Variants in ZBTB24 observed in about 807,000 individuals in gnomAD.
ZBTB24 encodes the protein zinc finger and BTB domain-containing protein 24.
ZBTB24 carries 32 observed loss-of-function variants against 53.8 expected under a neutral mutation model. The ratio of observed to expected loss-of-function variants is 0.60; its 90% CI spans 0.45 to 0.80. The LOEUF is 0.80. Ranked by LOEUF, ZBTB24 falls within the 30% of genes least tolerant of loss-of-function variation. The pLI is 0.00. For synonymous variants in ZBTB24, 297 were observed against 306.7 expected (o/e 0.97, Z 0.33); for missense variants, 722 against 837.1 (o/e 0.86, Z 1.70).
Position 109,481,691 on chromosome 6 carries a change from A to G in ZBTB24, c.336T>C (p.Thr112=), listed in dbSNP as rs763763622. ...SEKSTEQILA[T]AQFLKVYDLV... ...GGTCATAGACTTTTAAGAACTGAGC[A>G]GTAGCCAGGATTTGTTCTGTACTTT... The change falls in exon 2 of 7, where the codon ACT becomes ACC. Residue 112 remains threonine (T), a synonymous_variant. Coordinates refer to ENST00000230122, the MANE Select transcript of ZBTB24 (RefSeq NM_014797.3). 6.2e-7 allele frequency: 1 copy of G among 1,614,260 alleles called. No homozygotes were observed. The highest frequency in any genetic ancestry group is 2.2e-5 in the East Asian group (1 of 44,892).
intron 2 of ZBTB24, 24 bp from the exon 3 acceptor site, chr6:109,476,954 T>C: frequency 6.2e-7 from 1 of 1,612,152 alleles, no homozygotes; most frequent in Admixed American, 1.7e-5. Flanking sequence ...CCCAGAAGCA[T>C]GGTATAAGTA....
At chr6:109,471,623 G>A (rs2115357602) in intron 5 of ZBTB24, among the ~76,000 whole-genome samples, 2 of 152,322 alleles carry the variant, frequency 1.3e-5, no homozygotes, top group South Asian at 4.1e-4. Flanking sequence ...TGTGGGGTCA[G>A]AGGTCACTCA....
chr6:109,472,935 G>A (rs1199821599), intron 5 of ZBTB24, among the ~76,000 whole-genome samples: 4 of 151,964 alleles, frequency 2.6e-5, no homozygotes, highest in Admixed American at 6.6e-5. Context: ...GTGCTGTTCC[G>A]AGCCCCACTA....
At chr6:109,475,974 T>C (rs755686738) in intron 4 of ZBTB24, among the ~76,000 whole-genome samples, 4 of 152,212 alleles carry the variant, frequency 2.6e-5, no homozygotes, top group African/African-American at 4.8e-5. Context: ...ACCAAAACTG[T>C]AGTATACAAA....
intron 6 of ZBTB24, among the ~76,000 whole-genome samples, chr6:109,466,978 T>C (rs1461087518): frequency 1.3e-5 from 2 of 152,190 alleles, no homozygotes; most frequent in Admixed American, 1.3e-4. Flanking sequence ...ATTTAAAAAA[T>C]TTAAGCATCC....
rs774437423 is a variant in ZBTB24, at chr6:109,466,543, C to T, written c.1402G>A (p.Gly468Ser). Residue 468 changes from glycine to serine, a missense_variant, in exon 7 of 7, where the codon GGC (glycine) becomes AGC (serine). Gly to Ser is a moderately conservative substitution (Grantham distance 56). Coordinates refer to ENST00000230122, the MANE Select transcript of ZBTB24 (RefSeq NM_014797.3). ...GEKPYSCGIC[G>S]KSFSDSSAKR... ...GCACTGGAGTCAGAGAAGGATTTGC[C>T]ACAAATGCCACAGGAGTATGGCTTT... 3 of 1,613,006 alleles carry T rather than the reference C, an allele frequency of 1.9e-6. No individual in the cohort carries two copies. Among genetic ancestry groups the T allele is most frequent in the Non-Finnish European group, 1.7e-6 (2 of 1,180,028 alleles).
chr6:109,465,877 T>G lies in ZBTB24; in HGVS notation c.2068A>C (p.Thr690Pro). 2 of 1,614,130 alleles carry G rather than the reference T, an allele frequency of 1.2e-6. No individual in the cohort carries two copies. The highest frequency in any genetic ancestry group is 2.2e-5 in the East Asian group (1 of 44,876). The change falls in exon 7 of 7, where the codon ACG becomes CCG. Residue 690 changes from threonine to proline, a missense_variant. Coordinates refer to ENST00000230122, the MANE Select transcript of ZBTB24 (RefSeq NM_014797.3). ...PPPTHHVPQP[T>P]PLGQEQS ...CAGCTCTGCTCCTGGCCAAGTGGCG[T>G]TGGCTGGGGCACGTGGTGAGTGGGT...
At chr6:109,473,721 G>A (rs1341837387) in intron 5 of ZBTB24, among the ~76,000 whole-genome samples, 1 of 152,146 alleles carries the variant, frequency 6.6e-6, no homozygotes, top group Non-Finnish European at 1.5e-5. Flanking sequence ...TAAGTGCTCA[G>A]TACATGTGTT....
intron 5 of ZBTB24, among the ~76,000 whole-genome samples, chr6:109,473,410 C>T (rs1776210081): frequency 6.6e-6 from 1 of 152,164 alleles, no homozygotes; most frequent in Admixed American, 6.5e-5. Context: ...AGAATGCTCT[C>T]TCCTGGACAT....
chr6:109,466,028 A>G lies in ZBTB24; in HGVS notation c.1917T>C (p.Thr639=), dbSNP rs1212947329. The G allele has an allele frequency of 6.2e-7, 1 of 1,614,062 alleles. No individual in the cohort carries two copies. Among genetic ancestry groups the G allele is most frequent in the Non-Finnish European group, 8.5e-7 (1 of 1,180,044 alleles). ...GATGTTCCAGTGTTTCCTTGGACAG[A>G]GTGATCACGTGCACTGGCTCTGTTT... The part of the protein sequence containing the change: ...PSQTEPVHVI[T]LSKETLEHLH... The change falls in exon 7 of 7, where the codon ACT becomes ACC. Residue 639 remains threonine (T), a synonymous_variant. Transcript: ENST00000230122.
intron 2 of ZBTB24, among the ~76,000 whole-genome samples, chr6:109,478,234 C>A (rs1446642382): frequency 6.6e-6 from 1 of 152,140 alleles, no homozygotes; most frequent in East Asian, 1.9e-4. Context: ...CTTACTGAGG[C>A]TCCAGAAGAA....
At chr6:109,471,121 C>T (rs1195921164) in intron 5 of ZBTB24, among the ~76,000 whole-genome samples, 2 of 152,194 alleles carry the variant, frequency 1.3e-5, no homozygotes, top group Non-Finnish European at 2.9e-5. Context: ...ATTATATTCC[C>T]ACCAACAATA....
At position 109,467,726 on chromosome 6, in the gene ZBTB24, G is replaced by T; in HGVS notation, c.1297C>A (p.Pro433Thr). Reference sequence around the variant, plus strand: ...TTGCCACAGATTTCACAAGTAAATGGCTTCTCACCTAAAAAAAACAAAAAC... The same window carrying T: ...TTGCCACAGATTTCACAAGTAAATGTCTTCTCACCTAAAAAAAACAAAAAC... The part of the protein sequence containing the change: ...KHLRTHTGEK[P>T]FTCEICGKSF... Residue 433 changes from proline to threonine, a missense_variant, in exon 6 of 7, where the codon CCA becomes ACA. Physicochemically the swap from Pro to Thr is conservative, Grantham distance 38 (BLOSUM62 -1). Transcript: ENST00000230122. 1 of 1,613,464 alleles carries T rather than the reference G, an allele frequency of 6.2e-7. No individual in the cohort carries two copies. The highest frequency in any genetic ancestry group is 1.1e-5 in the South Asian group (1 of 90,918).
rs764753566 is a variant in ZBTB24, at chr6:109,465,922, G to A, written c.2023C>T (p.Gln675Ter). 3.1e-6 allele frequency: 5 copies of A among 1,614,186 alleles called. No homozygotes were observed. The highest frequency in any genetic ancestry group is 3.4e-6 in the Non-Finnish European group (4 of 1,180,036). ...GTGGGTGGTGGCGGACCAGGCTCCT[G>A]TGTCAGCTGCAGGTGCTGAGCTGGA... ...SDPAQHLQLTQEPGPPPPTHH... is the reference protein window; with the variant it reads ...SDPAQHLQLT Residue 675 changes from glutamine (Q) to a stop codon, truncating the protein, a stop_gained, in exon 7 of 7, where the codon CAG becomes TAG. Transcript: ENST00000230122. LOFTEE classifies it high-confidence loss of function.
chr6:109,480,190 CAGG>C (rs1227400316), intron 2 of ZBTB24, among the ~76,000 whole-genome samples: 1 of 152,066 alleles, frequency 6.6e-6, no homozygotes, highest in East Asian at 1.9e-4. Context: ...TGCTGGATCA[CAGG>C]AGAAGACTTA....
chr6:109,476,318 C>T, intron 3 of ZBTB24, 60 bp from the exon 4 acceptor site: 1 of 1,577,790 alleles, frequency 6.3e-7, no homozygotes, highest in Middle Eastern at 1.7e-4. Context: ...GGAATGCTCA[C>T]TAATAAGGTA....
intron 5 of ZBTB24, among the ~76,000 whole-genome samples, chr6:109,472,990 G>GC (rs749211489): frequency 6.6e-6 from 1 of 151,932 alleles, no homozygotes; most frequent in African/African-American, 2.4e-5. Context: ...CCCTGGCCTC[G>GC]CCCCCACCTC....
rs754756772 is a variant in ZBTB24 at position 109,481,303 on chromosome 6, T to C, written c.724A>G (p.Lys242Glu). The C allele has an allele frequency of 6.2e-6, 10 of 1,614,222 alleles. No homozygotes were observed. Among genetic ancestry groups the C allele is most frequent in the Non-Finnish European group, 8.5e-6 (10 of 1,180,030 alleles). ...PVEKDENYDP[K>E]TEDGQASQSR... Reference sequence around the variant, plus strand: ...TGGCTTGCCTGGCCATCCTCGGTCTTGGGATCATAGTTCTCATCTTTTTCA... The same window carrying C: ...TGGCTTGCCTGGCCATCCTCGGTCTCGGGATCATAGTTCTCATCTTTTTCA... Residue 242 changes from lysine to glutamate, a missense_variant, in exon 2 of 7, where the codon AAG becomes GAG. By Grantham distance (56) the Lys-to-Glu change is moderately conservative. Transcript: ENST00000230122.
Position 109,466,368 on chromosome 6 carries a change from C to T in ZBTB24, c.1577G>A (p.Gly526Asp). ...CCTGACCTCTTCTGTATTACTACTG[C>T]CAGAAATGCTGCTGGCATCTGAAGC... ...KHASDASSISGSSNTEEVRNI... is the reference protein window; with the variant it reads ...KHASDASSISDSSNTEEVRNI... Residue 526 changes from glycine to aspartate, a missense_variant, in exon 7 of 7, where the codon GGC becomes GAC. Coordinates refer to ENST00000230122, the MANE Select transcript of ZBTB24 (RefSeq NM_014797.3). 1 of 1,614,178 alleles carries T rather than the reference C, an allele frequency of 6.2e-7. No homozygotes were observed. The highest frequency in any genetic ancestry group is 8.5e-7 in the Non-Finnish European group (1 of 1,180,036).
Sources: gnomAD v4.1 joint callset for allele counts (sites outside exome capture counted in the v4.1 genomes callset) on GRCh38, gnomAD v4.1.1 for gene constraint, MANE v1.5 for transcripts, NCBI Gene and HGNC (gene_info 2026-07-23, HGNC 2026-07-21) for gene names.